PAPPA2: variants seen among roughly 807,000 people sequenced by gnomAD.
The protein encoded by PAPPA2 is pappalysin-2.
Under a neutral mutation model 176.4 loss-of-function variants are expected in PAPPA2, and 86 were observed. The observed-to-expected ratio is 0.49, with a 90% CI of 0.41 to 0.58. PAPPA2 has a LOEUF of 0.58. Ranked by LOEUF, PAPPA2 falls within the 20% of genes least tolerant of loss-of-function variation. PAPPA2 has a pLI of 0.00. For synonymous variants in PAPPA2, 809 were observed against 852.2 expected (o/e 0.95, Z 0.88); for missense variants, 2,073 against 2,256.9 (o/e 0.92, Z 1.65).
intron 3 of PAPPA2, chr1:176,616,888 C>A (rs1188068388): frequency 1.4e-5 from 6 of 435,630 alleles, no homozygotes; most frequent in African/African-American, 1.2e-4. Context: ...CAATATACTC[C>A]ACTTGAAATT....
intron 3 of PAPPA2, among the ~76,000 whole-genome samples, chr1:176,603,847 A>G (rs945473324): frequency 2.6e-5 from 4 of 152,282 alleles, no homozygotes; most frequent in South Asian, 2.1e-4. Context: ...TAACATAGCA[A>G]TCAGAGTAAT....
chr1:176,585,899 C>A (rs1653275745), intron 2 of PAPPA2, among the ~76,000 whole-genome samples: 4 of 151,966 alleles, frequency 2.6e-5, no homozygotes, highest in Admixed American at 2.0e-4. Flanking sequence ...TTTTGTTTAA[C>A]CATCTATCTG....
Position 176,474,317 on chromosome 1 carries a change from G to A in PAPPA2, c.-917+10899G>A, listed in dbSNP as rs542839772. Among the ~76,000 whole-genome samples, 20 of 152,286 alleles carry A rather than the reference G, an allele frequency of 1.3e-4. No homozygotes were observed. The South Asian group carries it at 4.1e-3, about 32-fold the overall frequency. ...TGATTATTACTATCTGGAACACATA[G>A]TCTTCTTGATCAGAGAGACACCTCA... is the stretch of plus-strand genomic sequence containing the variant. On this transcript the variant is annotated intron_variant, in intron 1 of 22. Coordinates refer to ENST00000367662, the MANE Select transcript of PAPPA2 (RefSeq NM_020318.3).
At chr1:176,785,733 A>G (rs929844176) in intron 17 of PAPPA2, among the ~76,000 whole-genome samples, 1 of 152,014 alleles carries the variant, frequency 6.6e-6, no homozygotes, top group Admixed American at 6.6e-5. Context: ...GGAAGGCTAC[A>G]TTCTTCTTCC....
intron 1 of PAPPA2, among the ~76,000 whole-genome samples, chr1:176,465,004 G>A (rs1013103833): frequency 1.4e-4 from 21 of 152,050 alleles, no homozygotes; most frequent in Non-Finnish European, 2.2e-4. Flanking sequence ...TCTAATACAC[G>A]TATAATTTTA....
chr1:176,540,350 C>A (rs1353064123), intron 1 of PAPPA2, among the ~76,000 whole-genome samples: 1 of 152,184 alleles, frequency 6.6e-6, no homozygotes, highest in Non-Finnish European at 1.5e-5. Context: ...TTGTTTAAGA[C>A]CCTGCTCAAA....
chr1:176,560,141 T>C (rs1188084790), intron 2 of PAPPA2, among the ~76,000 whole-genome samples: 1 of 151,620 alleles, frequency 6.6e-6, no homozygotes, highest in Non-Finnish European at 1.5e-5. Context: ...TTCGTTGGCA[T>C]CCCTTGGGGT....
At chr1:176,480,292 C>T (rs1364362954) in intron 1 of PAPPA2, among the ~76,000 whole-genome samples, 3 of 152,206 alleles carry the variant, frequency 2.0e-5, no homozygotes, top group Non-Finnish European at 2.9e-5. Context: ...AAGGGCAGCG[C>T]TGGATAAGTC....
intron 1 of PAPPA2, among the ~76,000 whole-genome samples, chr1:176,485,105 C>T (rs1265223341): frequency 1.3e-5 from 2 of 152,224 alleles, no homozygotes; most frequent in Non-Finnish European, 2.9e-5. Context: ...AAGCTTCCCA[C>T]ATGCTGGACT....
At chr1:176,811,989 A>C (rs1486936424) in intron 21 of PAPPA2, among the ~76,000 whole-genome samples, 2 of 152,090 alleles carry the variant, frequency 1.3e-5, no homozygotes, top group Non-Finnish European at 2.9e-5. Flanking sequence ...AACCTCATCT[A>C]GATTAACAAC....
At chr1:176,571,207 C>T (rs1481195035) in intron 2 of PAPPA2, among the ~76,000 whole-genome samples, 1 of 152,158 alleles carries the variant, frequency 6.6e-6, no homozygotes, top group East Asian at 1.9e-4. Context: ...CATGACCCAC[C>T]CATTACCTGC....
rs61745526 is a variant in PAPPA2 at position 176,710,175 on chromosome 1, T to C, written c.3650T>C (p.Leu1217Pro). The change falls in exon 11 of 23, where the codon CTA (leucine) becomes CCA (proline). Residue 1217 changes from leucine to proline, a missense_variant and splice_region_variant. Leu to Pro is a moderately conservative substitution (Grantham distance 98). This residue lies in a region of PAPPA2 where 846 missense variants were observed against 857.9 expected (regional missense o/e 0.99). Coordinates refer to ENST00000367662, the MANE Select transcript of PAPPA2 (RefSeq NM_020318.3). The stretch of plus-strand genomic sequence containing the variant: ...TTGGTAACTGGAGAACCTCATTCCC[T>C]AGTAAGTTAAGCCAGATGAATAGAG... ...VSLVTGEPHS[L>P]ICTSYHPDLP... The C allele has an allele frequency of 2.9e-3, 4,720 of 1,612,836 alleles. 52 individuals carry two copies. The highest frequency in any genetic ancestry group is 0.023 in the South Asian group (2,065 of 90,884).
At chr1:176,780,219 C>G (rs1254197157) in intron 17 of PAPPA2, among the ~76,000 whole-genome samples, 1 of 152,160 alleles carries the variant, frequency 6.6e-6, no homozygotes, top group Non-Finnish European at 1.5e-5. Flanking sequence ...TCAATCACGC[C>G]TGTCTGTGAG....
intron 21 of PAPPA2, among the ~76,000 whole-genome samples, chr1:176,816,253 A>ATATGTATG (rs373083517): frequency 7.2e-6 from 1 of 138,124 alleles, no homozygotes; most frequent in African/African-American, 2.8e-5. Flanking sequence ...ATATATATAT[A>ATATGTATG]TATGTATGTA....
intron 3 of PAPPA2, among the ~76,000 whole-genome samples, chr1:176,632,791 A>G (rs1573162826): frequency 6.6e-6 from 1 of 152,222 alleles, no homozygotes; most frequent in African/African-American, 2.4e-5. Flanking sequence ...GGCTCTTAGA[A>G]CAAAATTTTA....
At chr1:176,787,427 G>T (rs867240337) in intron 17 of PAPPA2, among the ~76,000 whole-genome samples, 1 of 151,756 alleles carries the variant, frequency 6.6e-6, no homozygotes, top group Non-Finnish European at 1.5e-5. Flanking sequence ...TAGATAAGAG[G>T]GTTTTGCCAT....
chr1:176,517,544 T>C (rs1297928905), intron 1 of PAPPA2, among the ~76,000 whole-genome samples: 1 of 151,834 alleles, frequency 6.6e-6, no homozygotes. Flanking sequence ...AGGCAGGAGG[T>C]GTTTAGGGAA....
chr1:176,737,313 C>T (rs1662465714), intron 12 of PAPPA2, among the ~76,000 whole-genome samples: 1 of 152,078 alleles, frequency 6.6e-6, no homozygotes, highest in Middle Eastern at 3.2e-3. Context: ...CTTACTCTCT[C>T]TCTCTAGAAC....
chr1:176,530,378 A>C (rs189530473), intron 1 of PAPPA2, among the ~76,000 whole-genome samples: 52 of 152,312 alleles, frequency 3.4e-4, no homozygotes, highest in African/African-American at 1.2e-3. Flanking sequence ...ACTCAATGGG[A>C]CAGGAACAGT....
Sources: allele counts gnomAD v4.1 joint callset (sites outside exome capture counted in the v4.1 genomes callset), GRCh38; gene constraint gnomAD v4.1.1; regional missense constraint gnomAD v4.1.1; transcripts MANE v1.5; gene names NCBI Gene and HGNC (gene_info 2026-07-23, HGNC 2026-07-21).